Variants in CNTN4 observed in about 807,000 individuals in gnomAD.
CNTN4 encodes the protein contactin 4.
Under a neutral mutation model 122.5 loss-of-function variants are expected in CNTN4, and 77 were observed. The observed-to-expected ratio is 0.63, with a 90% confidence interval of 0.52 to 0.76. CNTN4 has a LOEUF of 0.76. Ranked by LOEUF, CNTN4 falls within the 30% of genes least tolerant of loss-of-function variation. CNTN4 has a pLI of 0.00. For missense variants in CNTN4, 1,256 were observed against 1,259.1 expected, an observed-to-expected ratio of 1.00 and a Z score of 0.04; for synonymous variants, 512 against 447.0, an observed-to-expected ratio of 1.15 and a Z score of -1.83.
At chr3:2,332,740 AG>A (rs2043786053) in intron 2 of CNTN4, among the ~76,000 whole-genome samples, 1 of 44,234 alleles carries the variant, frequency 2.3e-5, no homozygotes, top group Admixed American at 3.0e-4. Context: ...GGGAGTGGGG[AG>A]GGGGGAGGGA....
intron 6 of CNTN4, among the ~76,000 whole-genome samples, chr3:2,809,402 G>T (rs186782809): frequency 4.6e-5 from 7 of 152,340 alleles, no homozygotes; most frequent in Admixed American, 2.6e-4. Context: ...TTGAAGAACA[G>T]AAAGCAAAAT....
intron 2 of CNTN4, among the ~76,000 whole-genome samples, chr3:2,113,359 C>A (rs554955369): frequency 6.6e-6 from 1 of 152,250 alleles, no homozygotes; most frequent in South Asian, 2.1e-4. Flanking sequence ...AATAGAGTAT[C>A]ATTTATATAG....
At chr3:2,383,297 C>G (rs992613573) in intron 3 of CNTN4, among the ~76,000 whole-genome samples, 4 of 152,114 alleles carry the variant, frequency 2.6e-5, no homozygotes, top group African/African-American at 7.2e-5. Flanking sequence ...TATCCAACCT[C>G]TGTTTAAATA....
chr3:3,005,019 C>A (rs997352461), intron 14 of CNTN4, among the ~76,000 whole-genome samples: 70 of 152,328 alleles, frequency 4.6e-4, no homozygotes, highest in African/African-American at 1.5e-3. Flanking sequence ...TCATTCTTCC[C>A]TTGTCTTGGA....
At chr3:2,286,531 C>A (rs1720196) in intron 2 of CNTN4, among the ~76,000 whole-genome samples, 150,460 of 152,126 alleles carry the variant, frequency 0.99, 74,430 homozygotes, top group Middle Eastern at 1. Context: ...TAAATAGGAC[C>A]ACTGTTTCTA....
intron 3 of CNTN4, among the ~76,000 whole-genome samples, chr3:2,415,506 C>G (rs2047379620): frequency 6.6e-6 from 1 of 152,070 alleles, no homozygotes; most frequent in Non-Finnish European, 1.5e-5. Flanking sequence ...TTTCCAGGGA[C>G]AGGGATGTAA....
intron 7 of CNTN4, among the ~76,000 whole-genome samples, chr3:2,821,296 C>A (rs2092865272): frequency 6.6e-6 from 1 of 152,128 alleles, no homozygotes; most frequent in Admixed American, 6.5e-5. Context: ...CTAAAGCTAG[C>A]ACAGCTTCTA....
intron 4 of CNTN4, among the ~76,000 whole-genome samples, chr3:2,647,380 C>CAAATAAATAA (rs1317167547): frequency 6.6e-6 from 1 of 150,560 alleles, no homozygotes; most frequent in Non-Finnish European, 1.5e-5. Flanking sequence ...AAACTCATCT[C>CAAATAAATAA]ATAAATAAAT....
chr3:2,280,666 A>G, intron 2 of CNTN4, among the ~76,000 whole-genome samples: 1 of 152,228 alleles, frequency 6.6e-6, no homozygotes, highest in East Asian at 1.9e-4. Flanking sequence ...AAAAAAGGAT[A>G]AATGAAACTT....
intron 3 of CNTN4, among the ~76,000 whole-genome samples, chr3:2,525,147 T>C (rs7634161): frequency 0.12 from 18,035 of 152,094 alleles, 2,086 homozygotes; most frequent in East Asian, 0.52. Flanking sequence ...GCACTGGAGA[T>C]AGCTATGGTG....
intron 4 of CNTN4, among the ~76,000 whole-genome samples, chr3:2,585,517 T>G (rs1175913027): frequency 2.0e-5 from 3 of 152,018 alleles, no homozygotes; most frequent in Non-Finnish European, 4.4e-5. Context: ...CCATAAAAAA[T>G]GATGAGTTCA....
intron 10 of CNTN4, among the ~76,000 whole-genome samples, chr3:2,896,879 C>T (rs2094120397): frequency 6.6e-6 from 1 of 150,950 alleles, no homozygotes; most frequent in South Asian, 2.1e-4. Context: ...TGTCCGCAAC[C>T]AGAAATAACT....
chr3:2,562,153 A>G (rs940527163), intron 3 of CNTN4, among the ~76,000 whole-genome samples: 3 of 152,234 alleles, frequency 2.0e-5, no homozygotes, highest in Non-Finnish European at 4.4e-5. Flanking sequence ...TGTTCTAATA[A>G]TAAGGCTACA....
intron 2 of CNTN4, among the ~76,000 whole-genome samples, chr3:2,163,923 G>GA (rs2036073154): frequency 6.6e-6 from 1 of 152,152 alleles, no homozygotes; most frequent in South Asian, 2.1e-4. Flanking sequence ...CAACCACTGT[G>GA]GAAAACAGTA....
At chr3:2,513,394 C>A (rs142675400) in intron 3 of CNTN4, among the ~76,000 whole-genome samples, 1 of 151,732 alleles carries the variant, frequency 6.6e-6, no homozygotes, top group Admixed American at 6.6e-5. Context: ...ATGGATTTTT[C>A]TGTTCAGAAA....
chr3:2,489,222 C>G (rs2076246780), intron 3 of CNTN4, among the ~76,000 whole-genome samples: 1 of 152,096 alleles, frequency 6.6e-6, no homozygotes, highest in Non-Finnish European at 1.5e-5. Context: ...GCCCTCTCAA[C>G]AAAAGACATT....
At chr3:2,812,889 G>A (rs1176058605) in intron 6 of CNTN4, among the ~76,000 whole-genome samples, 1 of 152,216 alleles carries the variant, frequency 6.6e-6, no homozygotes, top group African/African-American at 2.4e-5. Context: ...TGCTAAGTTT[G>A]TACTCAGGTC....
At chr3:3,020,166 G>C (rs976366267) in intron 14 of CNTN4, among the ~76,000 whole-genome samples, 1 of 152,012 alleles carries the variant, frequency 6.6e-6, no homozygotes, top group East Asian at 1.9e-4. Context: ...CTGATTTATA[G>C]TACTTCAAGA....
chr3:2,981,317 G>T (rs1003453535), intron 13 of CNTN4, among the ~76,000 whole-genome samples: 3 of 151,738 alleles, frequency 2.0e-5, no homozygotes, highest in Non-Finnish European at 2.9e-5. Flanking sequence ...GGTGGCGGGC[G>T]CCTGTAGTCC....
Sources: gnomAD v4.1 joint callset for allele counts (sites outside exome capture counted in the v4.1 genomes callset) on GRCh38, gnomAD v4.1.1 for gene constraint, MANE v1.5 for transcripts, NCBI Gene and HGNC (gene_info 2026-07-23, HGNC 2026-07-21) for gene names.